FMN1: variants seen among roughly 807,000 people sequenced by gnomAD.
FMN1 encodes the protein formin-1.
A neutral mutation model predicts 132.4 loss-of-function variants in FMN1; 110 were observed. The ratio of observed to expected loss-of-function variants is 0.83; its 90% CI spans 0.71 to 0.97. The LOEUF (loss-of-function observed/expected upper bound fraction) is 0.97, where lower values mean the gene tolerates loss of function less well. FMN1 is among the 50% of genes least tolerant of loss of function. The pLI is 0.00. For missense variants in FMN1, 1,792 were observed against 1,705.3 expected, an observed-to-expected ratio of 1.05 and a Z score of -0.90; for synonymous variants, 722 against 651.7, an observed-to-expected ratio of 1.11 and a Z score of -1.64.
At chr15:33,112,205 G>A (rs1461494920) in intron 4 of FMN1, among the ~76,000 whole-genome samples, 3 of 152,030 alleles carry the variant, frequency 2.0e-5, no homozygotes, top group African/African-American at 2.4e-5. Context: ...ATGATAAAAT[G>A]TTACCCCTTA....
chr15:33,115,229 A>G (rs2039871555), intron 4 of FMN1, among the ~76,000 whole-genome samples: 1 of 152,212 alleles, frequency 6.6e-6, no homozygotes, highest in Non-Finnish European at 1.5e-5. Flanking sequence ...TAAAGAGCAG[A>G]GTTGCCTAAG....
chr15:32,788,867 A>C (rs1212791534), intron 19 of FMN1, among the ~76,000 whole-genome samples: 1 of 152,218 alleles, frequency 6.6e-6, no homozygotes, highest in Non-Finnish European at 1.5e-5. Context: ...TCAAGAACAG[A>C]GCTGGCGATT....
intron 4 of FMN1, among the ~76,000 whole-genome samples, chr15:33,102,610 G>A (rs2039336538): frequency 1.3e-5 from 2 of 151,924 alleles, no homozygotes; most frequent in South Asian, 4.2e-4. Context: ...AAATGATATT[G>A]GGTATTATGG....
chr15:33,070,331 C>G (rs994026664), intron 5 of FMN1, among the ~76,000 whole-genome samples: 3 of 150,982 alleles, frequency 2.0e-5, no homozygotes, highest in African/African-American at 7.3e-5. Flanking sequence ...ACGAGCAATG[C>G]AGATCATCCA....
intron 7 of FMN1, among the ~76,000 whole-genome samples, chr15:32,981,353 G>GCGGTGGCAGGCACTTGTAGTCCCAGC (rs1171591911): frequency 2.0e-5 from 3 of 151,442 alleles, no homozygotes; most frequent in South Asian, 2.1e-4. Context: ...ATTAGCCGGC[G>GCGGTGGCAGGCACTTGTAGTCCCAGC]CGGTGGCAGG....
intron 2 of FMN1, among the ~76,000 whole-genome samples, chr15:33,182,707 G>A (rs537407017): frequency 7.8e-4 from 119 of 152,178 alleles, no homozygotes; most frequent in African/African-American, 2.7e-3. Context: ...CTGCCCAGGC[G>A]CCATCTACCT....
intron 4 of FMN1, among the ~76,000 whole-genome samples, chr15:33,118,391 T>C (rs1226083991): frequency 1.2e-4 from 19 of 152,178 alleles, no homozygotes. Flanking sequence ...TCTAAATGAT[T>C]AGAACAAACC....
intron 6 of FMN1, among the ~76,000 whole-genome samples, chr15:33,015,559 T>TA (rs1395443212): frequency 1.3e-5 from 2 of 152,206 alleles, no homozygotes; most frequent in African/African-American, 2.4e-5. Flanking sequence ...TATGTACAGT[T>TA]AGGAAGTAGA....
At chr15:32,864,987 TA>T (rs1250618573) in intron 16 of FMN1, among the ~76,000 whole-genome samples, 1 of 152,104 alleles carries the variant, frequency 6.6e-6, no homozygotes, top group East Asian at 1.9e-4. Context: ...TTATGCTAAG[TA>T]AGAAAAGCCA....
At chr15:32,848,255 T>C (rs1021428366) in intron 17 of FMN1, among the ~76,000 whole-genome samples, 3 of 152,164 alleles carry the variant, frequency 2.0e-5, no homozygotes, top group East Asian at 1.9e-4. Context: ...GAAGTGATGA[T>C]GGAAGCATGA....
intron 5 of FMN1, among the ~76,000 whole-genome samples, chr15:33,083,286 C>T (rs1204564998): frequency 6.6e-6 from 1 of 152,126 alleles, no homozygotes; most frequent in African/African-American, 2.4e-5. Flanking sequence ...TTTTTGTCCT[C>T]AGCTTCTGAA....
chr15:32,886,214 A>G (rs915885940), intron 16 of FMN1, among the ~76,000 whole-genome samples: 4 of 152,152 alleles, frequency 2.6e-5, no homozygotes, highest in African/African-American at 7.2e-5. Context: ...TGGCATCTCT[A>G]AAGATTAGCA....
intron 19 of FMN1, among the ~76,000 whole-genome samples, chr15:32,784,981 C>T (rs1188743857): frequency 1.3e-5 from 2 of 151,784 alleles, no homozygotes; most frequent in African/African-American, 2.4e-5. Context: ...ATGGCTTCTC[C>T]CAACTTAATT....
chr15:33,164,830 G>A (rs543377202), intron 3 of FMN1, among the ~76,000 whole-genome samples: 2 of 152,180 alleles, frequency 1.3e-5, no homozygotes, highest in Admixed American at 6.5e-5. Flanking sequence ...ATATACTTAT[G>A]GGGTACATGA....
intron 6 of FMN1, among the ~76,000 whole-genome samples, chr15:33,043,712 C>T (rs768506919): frequency 5.9e-5 from 9 of 152,218 alleles, no homozygotes; most frequent in Non-Finnish European, 1.3e-4. Flanking sequence ...ATGCTGGCTG[C>T]AGTTGGGGAG....
intron 9 of FMN1, among the ~76,000 whole-genome samples, chr15:32,956,071 G>A (rs1034977153): frequency 3.9e-5 from 6 of 152,156 alleles, no homozygotes; most frequent in African/African-American, 1.4e-4. Context: ...ATAGAGATAT[G>A]AGAAGACTAA....
At chr15:33,140,651 T>C (rs933541595) in intron 4 of FMN1, among the ~76,000 whole-genome samples, 10 of 152,128 alleles carry the variant, frequency 6.6e-5, no homozygotes, top group African/African-American at 2.4e-4. Context: ...CACAAAGCAA[T>C]ATCTGGAATA....
At chr15:33,068,936 G>C (rs748695844) in intron 5 of FMN1, among the ~76,000 whole-genome samples, 1 of 152,190 alleles carries the variant, frequency 6.6e-6, no homozygotes, top group Non-Finnish European at 1.5e-5. Flanking sequence ...GGCTGCCTTA[G>C]AAATCCTGGC....
intron 6 of FMN1, among the ~76,000 whole-genome samples, chr15:33,022,669 C>T (rs918257352): frequency 6.6e-6 from 1 of 152,222 alleles, no homozygotes; most frequent in Non-Finnish European, 1.5e-5. Flanking sequence ...GTAAGTGGCA[C>T]TTCAGGCCTG....
Sources: gnomAD v4.1 joint callset for allele counts (sites outside exome capture counted in the v4.1 genomes callset) on GRCh38, gnomAD v4.1.1 for gene constraint, MANE v1.5 for transcripts, NCBI Gene and HGNC (gene_info 2026-07-23, HGNC 2026-07-21) for gene names.